KLHL1: variants seen among roughly 807,000 people sequenced by gnomAD.
The protein encoded by KLHL1 is kelch-like protein 1.
KLHL1 carries 47 observed loss-of-function variants against 77.7 expected under a neutral mutation model. That is an observed-to-expected ratio of 0.60 (90% CI 0.48 to 0.77). KLHL1 has a LOEUF of 0.77. KLHL1 is among the 30% of genes least tolerant of loss of function. The pLI is 0.00. For missense variants in KLHL1, 925 were observed against 910.8 expected (o/e 1.02, Z -0.20); for synonymous variants, 360 against 325.2 (o/e 1.11, Z -1.15).
chr13:69,868,171 A>C (rs1880444446), intron 5 of KLHL1, among the ~76,000 whole-genome samples: 1 of 152,164 alleles, frequency 6.6e-6, no homozygotes, highest in Admixed American at 6.6e-5. Flanking sequence ...TGTGTTAAAT[A>C]GATATCCAAA....
chr13:70,035,610 T>G (rs1035365891), intron 1 of KLHL1, among the ~76,000 whole-genome samples: 3 of 151,948 alleles, frequency 2.0e-5, no homozygotes, highest in Non-Finnish European at 1.5e-5. Context: ...TGGAAAGACA[T>G]GGATAAAACA....
chr13:70,049,855 G>T (rs539455280), intron 1 of KLHL1, among the ~76,000 whole-genome samples: 2 of 151,806 alleles, frequency 1.3e-5, no homozygotes, highest in South Asian at 4.1e-4. Flanking sequence ...CAAAACAAAA[G>T]ATTTACTTCT....
chr13:69,993,720 C>T (rs1885082261), intron 1 of KLHL1, among the ~76,000 whole-genome samples: 1 of 151,906 alleles, frequency 6.6e-6, no homozygotes, highest in Admixed American at 6.6e-5. Context: ...TTAATTTGTT[C>T]CCCAAATACT....
chr13:70,024,620 T>TTCTCTCTCTCTCTCTCTCTCTC (rs5804459), intron 1 of KLHL1, among the ~76,000 whole-genome samples: 42 of 130,394 alleles, frequency 3.2e-4, no homozygotes, highest in African/African-American at 1.1e-3. Context: ...GAGAAAAGAT[T>TTCTCTCTCTCTCTCTCTCTCTC]TCTCTCTCTC....
At chr13:69,955,921 A>T (rs975521238) in intron 3 of KLHL1, among the ~76,000 whole-genome samples, 1 of 120,802 alleles carries the variant, frequency 8.3e-6, no homozygotes, top group African/African-American at 2.9e-5. Flanking sequence ...TGATATATAT[A>T]TTTATATATA....
chr13:69,794,295 T>A (rs927623979), intron 7 of KLHL1, among the ~76,000 whole-genome samples: 2 of 152,194 alleles, frequency 1.3e-5, no homozygotes, highest in African/African-American at 4.8e-5. Flanking sequence ...TACTCCTGAT[T>A]GTTTTGATAA....
At chr13:70,026,538 T>C (rs1443771985) in intron 1 of KLHL1, among the ~76,000 whole-genome samples, 2 of 152,152 alleles carry the variant, frequency 1.3e-5, no homozygotes, top group African/African-American at 4.8e-5. Flanking sequence ...GTCACTAGTT[T>C]ACTCTGCTAC....
At chr13:69,855,910 ATATGT>A (rs79852190) in intron 5 of KLHL1, among the ~76,000 whole-genome samples, 13,486 of 141,050 alleles carry the variant, frequency 0.096, 775 homozygotes, top group East Asian at 0.24. Context: ...TATATATATT[ATATGT>A]TATAACATAT....
At chr13:69,775,961 G>A (rs1337583846) in intron 7 of KLHL1, among the ~76,000 whole-genome samples, 1 of 151,590 alleles carries the variant, frequency 6.6e-6, no homozygotes, top group African/African-American at 2.4e-5. Context: ...GAACATCCTG[G>A]CTAACATGGT....
intron 1 of KLHL1, among the ~76,000 whole-genome samples, chr13:70,001,664 T>TCTATCTATCTAC (rs1307889202): frequency 6.8e-6 from 1 of 146,306 alleles, no homozygotes; most frequent in Non-Finnish European, 1.5e-5. Context: ...CTATTATCTA[T>TCTATCTATCTAC]CTATCTATCT....
intron 3 of KLHL1, among the ~76,000 whole-genome samples, chr13:69,946,301 T>G (rs920367464): frequency 6.6e-6 from 1 of 152,146 alleles, no homozygotes; most frequent in African/African-American, 2.4e-5. Flanking sequence ...AATTATACAT[T>G]TTGTATATGT....
At chr13:69,789,198 T>G (rs1466591003) in intron 7 of KLHL1, among the ~76,000 whole-genome samples, 1 of 152,140 alleles carries the variant, frequency 6.6e-6, no homozygotes, top group African/African-American at 2.4e-5. Context: ...TTAGGATCGA[T>G]CTATGCTATC....
chr13:69,825,133 T>C (rs944641547), intron 6 of KLHL1, among the ~76,000 whole-genome samples: 1 of 152,170 alleles, frequency 6.6e-6, no homozygotes. Flanking sequence ...CACTTTTTAA[T>C]GTTTAAAAAT....
chr13:69,876,864 C>A (rs1000188375), intron 5 of KLHL1, among the ~76,000 whole-genome samples: 10 of 152,010 alleles, frequency 6.6e-5, no homozygotes, highest in African/African-American at 2.2e-4. Flanking sequence ...GTGGCAAAAC[C>A]CCGTCTCTAT....
intron 8 of KLHL1, among the ~76,000 whole-genome samples, chr13:69,724,044 G>A (rs1000080989): frequency 6.6e-6 from 1 of 151,776 alleles, no homozygotes; most frequent in Admixed American, 6.6e-5. Context: ...CACCATATTG[G>A]CCAGGATGGT....
At chr13:69,999,886 T>C (rs1257112294) in intron 1 of KLHL1, among the ~76,000 whole-genome samples, 2 of 152,128 alleles carry the variant, frequency 1.3e-5, no homozygotes, top group East Asian at 1.9e-4. Flanking sequence ...TTTCCTTTTA[T>C]GGATACTAAT....
At chr13:69,815,953 T>C (rs776851484) in intron 6 of KLHL1, among the ~76,000 whole-genome samples, 14 of 151,592 alleles carry the variant, frequency 9.2e-5, no homozygotes, top group Non-Finnish European at 1.5e-4. Flanking sequence ...TTAAGAAATA[T>C]GAAAAGGCTA....
intron 1 of KLHL1, among the ~76,000 whole-genome samples, chr13:70,010,370 T>A (rs918040418): frequency 6.7e-5 from 10 of 149,374 alleles, no homozygotes; most frequent in Non-Finnish European, 1.5e-4. Flanking sequence ...GAAAAGGATT[T>A]AAAAAAAAAA....
chr13:69,910,601 A>T (rs563762958), intron 4 of KLHL1, among the ~76,000 whole-genome samples: 32 of 152,044 alleles, frequency 2.1e-4, no homozygotes, highest in African/African-American at 7.7e-4. Flanking sequence ...TCAAACATAG[A>T]CTGAGAAATT....
Sources: allele counts gnomAD v4.1 joint callset (sites outside exome capture counted in the v4.1 genomes callset), GRCh38; gene constraint gnomAD v4.1.1; transcripts MANE v1.5; gene names NCBI Gene and HGNC (gene_info 2026-07-23, HGNC 2026-07-21).